SLC38A4: variants seen among roughly 807,000 people sequenced by gnomAD.
SLC38A4 encodes the protein sodium-coupled neutral amino acid transporter 4.
Under a neutral mutation model 63.1 loss-of-function variants are expected in SLC38A4, and 20 were observed. The observed-to-expected ratio is 0.32, with a 90% CI of 0.22 to 0.46. The LOEUF (loss-of-function observed/expected upper bound fraction) is 0.46. SLC38A4 is among the 20% of genes least tolerant of loss of function. The pLI is 1.00. For missense variants in SLC38A4, 526 were observed against 663.6 expected (o/e 0.79, Z 2.28); for synonymous variants, 230 against 225.5 (o/e 1.02, Z -0.18).
At chr12:46,829,152 A>G (rs760503769), upstream of SLC38A4, among the ~76,000 whole-genome samples, 14 of 152,194 alleles carry the variant, frequency 9.2e-5, no homozygotes, top group Non-Finnish European at 1.9e-4. Context: ...ACAAATACCT[A>G]TAGAATAGAG....
chr12:46,775,254 A>G (rs1938499742), intron 13 of SLC38A4, 81 bp from the exon 14 acceptor site: 1 of 1,509,144 alleles, frequency 6.6e-7, no homozygotes, highest in Non-Finnish European at 8.9e-7. Context: ...TTATAGAGAG[A>G]ACACAGAACA....
chr12:46,803,971 A>AAC, intron 1 of SLC38A4, among the ~76,000 whole-genome samples, 177 bp from the exon 2 acceptor site: 1 of 152,084 alleles, frequency 6.6e-6, no homozygotes, highest in East Asian at 1.9e-4. Flanking sequence ...AGGTTGGTTG[A>AAC]CTGATGAATC....
At chr12:46,797,240 G>A (rs1202293815) in intron 2 of SLC38A4, among the ~76,000 whole-genome samples, 1 of 152,112 alleles carries the variant, frequency 6.6e-6, no homozygotes, top group Non-Finnish European at 1.5e-5. Context: ...TTTGGGGTGT[G>A]TCTGTGAGGG....
At chr12:46,823,937 G>C (rs981869699) in intron 1 of SLC38A4, among the ~76,000 whole-genome samples, 1 of 152,164 alleles carries the variant, frequency 6.6e-6, no homozygotes, top group Non-Finnish European at 1.5e-5. Flanking sequence ...TGATTTGAAG[G>C]GACCTCTGGG....
chr12:46,831,745 T>A (rs1939734213), intron 1 of SLC38A4, among the ~76,000 whole-genome samples: 1 of 152,108 alleles, frequency 6.6e-6, no homozygotes, highest in South Asian at 2.1e-4. Context: ...CCACCCAGTG[T>A]CCCCGACCTG....
chr12:46,830,298 TCACACACA>T (rs10597523), upstream of SLC38A4, among the ~76,000 whole-genome samples: 121 of 148,404 alleles, frequency 8.2e-4, 2 homozygotes, highest in South Asian at 2.4e-3. Context: ...TCTCTCTCTC[TCACACACA>T]CACACACACA....
intron 1 of SLC38A4, among the ~76,000 whole-genome samples, chr12:46,815,243 ATATATAT>A (rs1939415566): frequency 4.1e-4 from 4 of 9,684 alleles, no homozygotes; most frequent in Admixed American, 2.5e-3. Context: ...GCTAAAGGAT[ATATATAT>A]ATATATATAT....
chr12:46,793,784 C>T (rs1427542303), intron 2 of SLC38A4, among the ~76,000 whole-genome samples: 1 of 152,082 alleles, frequency 6.6e-6, no homozygotes, highest in African/African-American at 2.4e-5. Flanking sequence ...TCAGATTTAC[C>T]TCTGGGTCAG....
Position 46,804,534 on chromosome 12 carries a change from C to T in SLC38A4, c.-304-740G>A, listed in dbSNP as rs114445628. Among the ~76,000 whole-genome samples, 496 of 152,040 alleles carry T rather than the reference C, an allele frequency of 3.3e-3. 4 individuals carry two copies. The highest frequency in any genetic ancestry group is 0.011 in the African/African-American group (472 of 41,522). On this transcript the variant is annotated intron_variant, in intron 1 of 16. Coordinates refer to ENST00000266579, the MANE Select transcript of SLC38A4 (RefSeq NM_018018.5). ...AGTATTTATGACATGAATGAACAATCTAATAACCAATCAGAAGCAATGCTA... is the reference window on the plus strand; with the variant it reads ...AGTATTTATGACATGAATGAACAATTTAATAACCAATCAGAAGCAATGCTA...
At chr12:46,828,739 C>T (rs1159591732), upstream of SLC38A4, among the ~76,000 whole-genome samples, 1 of 152,220 alleles carries the variant, frequency 6.6e-6, no homozygotes, top group Non-Finnish European at 1.5e-5. Context: ...TTGCCCAGCA[C>T]TGTGCTAGGT....
chr12:46,815,250 TA>T lies in SLC38A4; in HGVS notation c.-305+10652del. ...TATAAATGGCTAAAGGATATATATA[TA>T]TATATATATATATATATATATATAT... On this transcript the variant is annotated intron_variant, in intron 1 of 16. Transcript: ENST00000266579. Among the ~76,000 whole-genome samples, 5 of 19,300 alleles carry T rather than the reference TA, an allele frequency of 2.6e-4. 2 individuals carry two copies. Among genetic ancestry groups the T allele is most frequent in the African/African-American group, 9.0e-4 (5 of 5,526 alleles). 12.7% of individuals were successfully genotyped at this position (19,300 alleles called of 152,430 possible).
chr12:46,827,536 A>G (rs1265015131), upstream of SLC38A4, among the ~76,000 whole-genome samples: 1 of 152,206 alleles, frequency 6.6e-6, no homozygotes, highest in Admixed American at 6.5e-5. Context: ...AGCATTTGTT[A>G]CTGTCATTCA....
chr12:46,765,792 A>G lies in SLC38A4; in HGVS notation c.*909T>C, dbSNP rs1938285901. 6.3e-6 allele frequency: 1 copy of G among 157,950 alleles called. No homozygotes were observed. Among genetic ancestry groups the G allele is most frequent in the Non-Finnish European group, 1.4e-5 (1 of 71,410 alleles). 9.8% of individuals were successfully genotyped at this position (157,950 alleles called of 1,614,324 possible). On this transcript the variant is annotated 3_prime_UTR_variant, in exon 17 of 17. Coordinates refer to ENST00000266579, the MANE Select transcript of SLC38A4 (RefSeq NM_018018.5). ...TCACAGTTTCCTGCACTGAATGTTT[A>G]TCAAATAAAAATGTATCAAACAATA...
intron 1 of SLC38A4, among the ~76,000 whole-genome samples, chr12:46,821,550 T>C (rs575235910): frequency 2.0e-5 from 3 of 152,252 alleles, no homozygotes; most frequent in Admixed American, 2.0e-4. Context: ...ATACAGCTTT[T>C]GTTGTCTTGT....
chr12:46,779,752 A>G (rs1243230812), intron 9 of SLC38A4, 28 bp downstream of exon 9: 1 of 1,586,394 alleles, frequency 6.3e-7, no homozygotes, highest in Admixed American at 1.8e-5. Context: ...TAAAAATAAA[A>G]ATATTTCCAG....
intron 12 of SLC38A4, among the ~76,000 whole-genome samples, chr12:46,778,060 A>G (rs532682633): frequency 6.4e-4 from 97 of 151,842 alleles, no homozygotes; most frequent in Non-Finnish European, 1.1e-3. Context: ...CCTGCCATGA[A>G]CCCCTCCCCT....
At chr12:46,819,161 T>C (rs1435231120) in intron 1 of SLC38A4, among the ~76,000 whole-genome samples, 1 of 151,806 alleles carries the variant, frequency 6.6e-6, no homozygotes, top group Non-Finnish European at 1.5e-5. Context: ...CTAGATTTCA[T>C]CATCAAATAA....
At chr12:46,794,955 G>C (rs912119181) in intron 2 of SLC38A4, among the ~76,000 whole-genome samples, 4 of 151,614 alleles carry the variant, frequency 2.6e-5, no homozygotes, top group African/African-American at 4.8e-5. Context: ...TAAAAGCTAA[G>C]AGAGAATAGA....
In SLC38A4 at chr12:46,780,095, T is replaced by C. The variant is rs1938608976; in HGVS notation, c.494-65A>G. On this transcript the variant is annotated intron_variant, in intron 7 of 16. Transcript: ENST00000266579. ...ACTGAAGTCACATGCAAGCAAGTTA[T>C]GACATTTGGGATATGTAAGATGAAC... The C allele has an allele frequency of 2.4e-6, 3 of 1,255,278 alleles. No homozygotes were observed. In the Admixed American group the frequency reaches 5.1e-5, roughly 21 times the overall value. The allele number at this position is 1,255,278 out of a possible 1,614,324, so 77.8% of individuals were successfully genotyped here.
Sources: allele counts gnomAD v4.1 joint callset (sites outside exome capture counted in the v4.1 genomes callset), GRCh38; gene constraint gnomAD v4.1.1; transcripts MANE v1.5; gene names NCBI Gene and HGNC (gene_info 2026-07-23, HGNC 2026-07-21).